NWD2: variants seen among roughly 807,000 people sequenced by gnomAD.
NWD2 encodes the protein NACHT and WD repeat domain-containing protein 2.
NWD2 carries 37 observed loss-of-function variants against 132.7 expected under a neutral mutation model. The ratio of observed to expected loss-of-function variants is 0.28; its 90% confidence interval spans 0.21 to 0.37. The LOEUF is 0.37. Among genes scored for constraint, NWD2 ranks in the 10% least tolerant of loss-of-function variants. NWD2 has a pLI of 1.00. For missense variants in NWD2, 1,592 were observed against 2,122.4 expected, an observed-to-expected ratio of 0.75 and a Z score of 4.91; for synonymous variants, 705 against 803.0, an observed-to-expected ratio of 0.88 and a Z score of 2.06.
chr4:37,328,090 T>C (rs1180275793), intron 2 of NWD2, among the ~76,000 whole-genome samples: 2 of 152,164 alleles, frequency 1.3e-5, no homozygotes, highest in East Asian at 3.9e-4. Flanking sequence ...TGTGGGCCTC[T>C]TTTGGATCCC....
chr4:37,434,045 A>G (rs1200205458), intron 5 of NWD2, 25 bp downstream of exon 5: 34 of 1,491,508 alleles, frequency 2.3e-5, no homozygotes, highest in Non-Finnish European at 3.0e-5. Context: ...CCTTCAGTAA[A>G]ATAAGAAATA....
Position 37,444,196 on chromosome 4 carries a change from C to T in NWD2, c.2208C>T (p.His736=), listed in dbSNP as rs1456103041. Residue 736 remains histidine (H), a synonymous_variant, in exon 7 of 7, where the codon CAC becomes CAT. Transcript: ENST00000309447. The surrounding 1 kb of genome is among the most constrained non-coding windows in gnomAD (Gnocchi z 4.8). ...NVTLLVWANR[H]LQLIAQKLYL... Reference sequence around the variant, plus strand: ...CACTCCTAGTCTGGGCCAACAGACACCTGCAGCTCATAGCCCAGAAGCTAT... The same window carrying T: ...CACTCCTAGTCTGGGCCAACAGACATCTGCAGCTCATAGCCCAGAAGCTAT... The T allele has an allele frequency of 9.7e-6, 15 of 1,551,516 alleles. No individual in the cohort carries two copies. Among genetic ancestry groups the T allele is most frequent in the South Asian group, 3.6e-5 (3 of 84,058 alleles).
In NWD2 at chr4:37,332,726, T is replaced by A. The variant is rs141721315; in HGVS notation, c.240+6702T>A. On this transcript the variant is annotated intron_variant, in intron 2 of 6. Coordinates refer to ENST00000309447, the MANE Select transcript of NWD2 (RefSeq NM_001144990.2). ...AAGGAGAGGGAAGAATAAAGGGAAA[T>A]TTATCTGGCAGTTTAGGTACCAGCT... Among the ~76,000 whole-genome samples, 138 of 152,144 alleles carry A rather than the reference T, an allele frequency of 9.1e-4. 1 individual carries two copies. Among genetic ancestry groups the A allele is most frequent in the Non-Finnish European group, 1.8e-3 (125 of 67,984 alleles).
chr4:37,428,424 C>T (rs1478486515), intron 3 of NWD2, among the ~76,000 whole-genome samples: 1 of 152,148 alleles, frequency 6.6e-6, no homozygotes, highest in Non-Finnish European at 1.5e-5. Flanking sequence ...GTAAGAGGTC[C>T]TTTGTGTTCC....
rs531380796 is a variant in NWD2 at position 37,424,096 on chromosome 4, C to A, written c.358-6476C>A. Among the ~76,000 whole-genome samples the A allele has an allele frequency of 8.5e-5, 13 of 152,106 alleles. No homozygotes were observed. The East Asian group carries it at 1.5e-3, about 18-fold the overall frequency. On this transcript the variant is annotated intron_variant, in intron 3 of 6. Coordinates refer to ENST00000309447, the MANE Select transcript of NWD2 (RefSeq NM_001144990.2). Reference sequence around the variant, plus strand: ...ATCACAACCACCATTGTCCTCCCACCCAAAAGAATAAATCAGGTAGAAAGA... The same window carrying A: ...ATCACAACCACCATTGTCCTCCCACACAAAAGAATAAATCAGGTAGAAAGA...
At chr4:37,401,427 C>T (rs1356408839) in intron 3 of NWD2, among the ~76,000 whole-genome samples, 3 of 152,182 alleles carry the variant, frequency 2.0e-5, no homozygotes, top group Admixed American at 6.5e-5. Flanking sequence ...TGATTCCTCC[C>T]TGTCCCTGTG....
chr4:37,391,681 T>C (rs1720681544), intron 3 of NWD2, among the ~76,000 whole-genome samples: 1 of 152,112 alleles, frequency 6.6e-6, no homozygotes, highest in South Asian at 2.1e-4. Flanking sequence ...TGATACAATG[T>C]CAGAGTCCCA....
chr4:37,332,643 G>T (rs1213151515), intron 2 of NWD2, among the ~76,000 whole-genome samples: 1 of 152,160 alleles, frequency 6.6e-6, no homozygotes, highest in Non-Finnish European at 1.5e-5. Context: ...CTGGTTATGG[G>T]CATGACCCAG....
At chr4:37,421,121 C>A (rs942923515) in intron 3 of NWD2, among the ~76,000 whole-genome samples, 1 of 152,118 alleles carries the variant, frequency 6.6e-6, no homozygotes, top group Non-Finnish European at 1.5e-5. Flanking sequence ...TGACATCTCA[C>A]TTTTAATATG....
rs1244255021 is a variant in NWD2 at position 37,447,174 on chromosome 4, C to T, written c.5186C>T (p.Ser1729Leu). The T allele has an allele frequency of 8.4e-6, 13 of 1,551,138 alleles. No homozygotes were observed. Among genetic ancestry groups the T allele is most frequent in the Non-Finnish European group, 9.6e-6 (11 of 1,146,988 alleles). ...AACTCTTGTTATGAGCGGGTATGCTCGGCCCTAGAAGCCAGGGGCCACAGC... is the reference window on the plus strand; with the variant it reads ...AACTCTTGTTATGAGCGGGTATGCTTGGCCCTAGAAGCCAGGGGCCACAGC... ...KHNSCYERVC[S>L]ALEARGHSYA... The change falls in exon 7 of 7, where the codon TCG becomes TTG. Residue 1729 changes from serine to leucine, a missense_variant. Coordinates refer to ENST00000309447, the MANE Select transcript of NWD2 (RefSeq NM_001144990.2).
At chr4:37,263,313 T>C (rs1717682837) in intron 1 of NWD2, among the ~76,000 whole-genome samples, 1 of 152,158 alleles carries the variant, frequency 6.6e-6, no homozygotes. Flanking sequence ...CCAGGAACAT[T>C]AATGCATGGA....
chr4:37,438,892 T>G lies in NWD2; in HGVS notation c.798T>G (p.Ile266Met). Reference protein sequence around the residue: ...CVCYIRKIANIERFVKIPEMG... With the variant: ...CVCYIRKIANMERFVKIPEMG... Reference sequence around the variant, plus strand: ...GCTACATTAGGAAAATTGCTAACATTGAGCGCTTTGTGAAAATCCCAGAGA... The same window carrying G: ...GCTACATTAGGAAAATTGCTAACATGGAGCGCTTTGTGAAAATCCCAGAGA... Residue 266 changes from isoleucine to methionine, a missense_variant, in exon 6 of 7, where the codon ATT becomes ATG. This residue lies in a region of NWD2 where 1,071 missense variants were observed against 1,398.0 expected (regional missense o/e 0.77). Transcript: ENST00000309447. The G allele has an allele frequency of 6.4e-7, 1 of 1,551,952 alleles. No individual in the cohort carries two copies.
At chr4:37,269,163 C>T (rs1717818468) in intron 1 of NWD2, among the ~76,000 whole-genome samples, 1 of 151,804 alleles carries the variant, frequency 6.6e-6, no homozygotes, top group African/African-American at 2.4e-5. Flanking sequence ...TTAAAGAACA[C>T]ATAATCATGC....
intron 3 of NWD2, among the ~76,000 whole-genome samples, chr4:37,405,479 TAG>T (rs1720983962): frequency 1.0e-5 from 1 of 97,236 alleles, no homozygotes; most frequent in Non-Finnish European, 2.3e-5. Context: ...TAGAATAGAA[TAG>T]AATAGAATAG....
intron 4 of NWD2, among the ~76,000 whole-genome samples, chr4:37,433,377 C>T (rs1712230556): frequency 6.6e-6 from 1 of 152,134 alleles, no homozygotes; most frequent in South Asian, 2.1e-4. Flanking sequence ...GATATTTCTG[C>T]ATAAATTATT....
At chr4:37,254,720 T>C (rs1717476237) in intron 1 of NWD2, among the ~76,000 whole-genome samples, 1 of 146,966 alleles carries the variant, frequency 6.8e-6, no homozygotes, top group African/African-American at 2.5e-5. Context: ...AGTAATGTGA[T>C]AGAAAGTTAA....
chr4:37,365,468 C>A (rs1243191727), intron 3 of NWD2, among the ~76,000 whole-genome samples: 1 of 152,134 alleles, frequency 6.6e-6, no homozygotes, highest in Non-Finnish European at 1.5e-5. Flanking sequence ...TTAAAAAGAT[C>A]TTTCTTACAA....
At chr4:37,420,084 T>C (rs1047399730) in intron 3 of NWD2, among the ~76,000 whole-genome samples, 2 of 152,218 alleles carry the variant, frequency 1.3e-5, no homozygotes, top group Admixed American at 1.3e-4. Context: ...ATTTGTGCTT[T>C]CATTTGCAGT....
chr4:37,314,862 C>T (rs1241036295), intron 1 of NWD2, among the ~76,000 whole-genome samples: 2 of 152,048 alleles, frequency 1.3e-5, no homozygotes, highest in Non-Finnish European at 2.9e-5. Context: ...TTTTGATTCA[C>T]TGATTTTAAC....
Sources: allele counts gnomAD v4.1 joint callset (sites outside exome capture counted in the v4.1 genomes callset), GRCh38; gene constraint gnomAD v4.1.1; regional missense constraint gnomAD v4.1.1; non-coding constraint Gnocchi (gnomAD v3.1); transcripts MANE v1.5; gene names NCBI Gene and HGNC (gene_info 2026-07-23, HGNC 2026-07-21).